The following WDR87 variants were observed in gnomAD, a reference collection of about 807,000 sequenced individuals.
The protein encoded by WDR87 is WD repeat-containing protein 87.
Under a neutral mutation model 83.3 loss-of-function variants are expected in WDR87, and 56 were observed. The observed-to-expected ratio is 0.67, with a 90% CI of 0.54 to 0.84. The LOEUF is 0.84. Among genes scored for constraint, WDR87 ranks in the 40% least tolerant of loss-of-function variants. WDR87 has a pLI of 0.00. For synonymous variants in WDR87, 1,173 were observed against 1,250.6 expected (o/e 0.94, Z 1.31); for missense variants, 2,939 against 3,431.9 (o/e 0.86, Z 3.59).
chr19:37,892,808 T>C lies in WDR87; in HGVS notation c.2895A>G (p.Leu965=). The change falls in exon 4 of 6, where the codon CTA becomes CTG. Residue 965 remains leucine, a synonymous_variant. Transcript: ENST00000447313. Reference sequence around the variant, plus strand: ...GGTTGGAATTGGTTGTATCATTCAGTAGCCGACGGGCTGTCTCAGAGCGTA... The same window carrying C: ...GGTTGGAATTGGTTGTATCATTCAGCAGCCGACGGGCTGTCTCAGAGCGTA... ...PALRSETARR[L]LNDTTNSNPL... is the part of the protein sequence containing the mutation. 6.4e-7 allele frequency: 1 copy of C among 1,551,788 alleles called. No individual in the cohort carries two copies. The highest frequency in any genetic ancestry group is 8.7e-7 in the Non-Finnish European group (1 of 1,147,016).
upstream of WDR87, chr19:37,906,623 G>A (rs551189252): frequency 6.6e-6 from 1 of 152,196 alleles, no homozygotes; most frequent in Admixed American, 6.5e-5. Flanking sequence ...CAGAACGGTT[G>A]GCCCCCAACC....
chr19:37,901,784 G>A (rs537636691), intron 1 of WDR87, among the ~76,000 whole-genome samples: 1 of 152,026 alleles, frequency 6.6e-6, no homozygotes, highest in Admixed American at 6.6e-5. Flanking sequence ...TAGAGTCACA[G>A]TTCACTGCAG....
chr19:37,903,290 G>T (rs1213487556), intron 1 of WDR87, among the ~76,000 whole-genome samples: 1 of 152,222 alleles, frequency 6.6e-6, no homozygotes, highest in Non-Finnish European at 1.5e-5. Flanking sequence ...AGGAGCCCAA[G>T]TTTGTCCCCA....
chr19:37,895,961 G>A (rs1166097092), intron 3 of WDR87, 177 bp downstream of exon 3: 2 of 852,392 alleles, frequency 2.3e-6, no homozygotes, highest in African/African-American at 1.7e-5. Context: ...TTACTTCGGG[G>A]GAACCATACA....
Position 37,886,952 on chromosome 19 carries a change from T to C in WDR87, c.6719A>G (p.Lys2240Arg). The C allele has an allele frequency of 1.3e-6, 2 of 1,552,008 alleles. No individual in the cohort carries two copies. Among genetic ancestry groups the C allele is most frequent in the Non-Finnish European group, 1.7e-6 (2 of 1,147,056 alleles). ...TGGTTTGTCACCTCTCTTGGCCTCT[T>C]TCCTCTTTCTCCACCTTCGTTTAAG... is the stretch of plus-strand genomic sequence containing the variant. ...PFLKRRWRKR[K>R]EAKRGDKPKE... Residue 2240 changes from lysine (K) to arginine (R), a missense_variant, in exon 6 of 6, where the codon AAA (lysine) becomes AGA (arginine). Coordinates refer to ENST00000447313, the MANE Select transcript of WDR87 (RefSeq NM_001291088.2).
In WDR87 at chr19:37,886,009, T is replaced by C; in HGVS notation, c.7662A>G (p.Glu2554=). ...CTGAGAGGCTTACGTCTGCATGTTGTTCCTTAGCTGGGATTTGGGAGAGAG... is the reference window on the plus strand; with the variant it reads ...CTGAGAGGCTTACGTCTGCATGTTGCTCCTTAGCTGGGATTTGGGAGAGAG... ...QLPLSQIPAK[E]QHADVSLSDV... The change falls in exon 6 of 6, where the codon GAA becomes GAG. Residue 2554 remains glutamate (E), a synonymous_variant. Coordinates refer to ENST00000447313, the MANE Select transcript of WDR87 (RefSeq NM_001291088.2). The C allele has an allele frequency of 6.4e-7, 1 of 1,551,916 alleles. No individual in the cohort carries two copies. The highest frequency in any genetic ancestry group is 1.2e-5 in the South Asian group (1 of 84,064).
chr19:37,905,247 AAAAG>A (rs2046317720), intron 1 of WDR87, among the ~76,000 whole-genome samples: 1 of 151,864 alleles, frequency 6.6e-6, no homozygotes, highest in Non-Finnish European at 1.5e-5. Context: ...AAAAAAAAAA[AAAAG>A]TAGAACTGAA....
Position 37,895,274 on chromosome 19 carries a change from C to G in WDR87, c.429G>C (p.Leu143=), listed in dbSNP as rs1158263531. Residue 143 remains leucine, a synonymous_variant, in exon 4 of 6, where the codon CTG becomes CTC. Transcript: ENST00000447313. ...TGTTGAAGCGGCAGGGCACTTTACC[C>G]AGGGGTTTGAATGCCCGAAAGTGGT... The part of the protein sequence containing the change: ...FGDHFRAFKP[L]GKVPCRFNIS... 6.4e-7 allele frequency: 1 copy of G among 1,551,706 alleles called. No homozygotes were observed.
chr19:37,885,778 C>G lies in WDR87; in HGVS notation c.7893G>C (p.Gln2631His). 1 of 1,551,786 alleles carries G rather than the reference C, an allele frequency of 6.4e-7. No individual in the cohort carries two copies. The highest frequency in any genetic ancestry group is 1.7e-4 in the Middle Eastern group (1 of 5,992). Residue 2631 changes from glutamine (Q) to histidine (H), a missense_variant, in exon 6 of 6, where the codon CAG becomes CAC. Physicochemically the swap from Gln to His is conservative, Grantham distance 24 (BLOSUM62 0). This residue lies in a region of WDR87 where 2,160 missense variants were observed against 2,533.1 expected (regional missense o/e 0.85). Transcript: ENST00000447313. ...ESQDTRISSRQSMSPKYLKVI... is the reference protein window; with the variant it reads ...ESQDTRISSRHSMSPKYLKVI... The stretch of plus-strand genomic sequence containing the variant: ...CTTTCAGGTATTTTGGACTCATGGA[C>G]TGTCTACTTGAGATCCTTGTGTCTT...
At chr19:37,899,031 A>G (rs1031737803) in intron 1 of WDR87, among the ~76,000 whole-genome samples, 20 of 152,148 alleles carry the variant, frequency 1.3e-4, no homozygotes, top group African/African-American at 4.3e-4. Context: ...CTGCCCATCA[A>G]TCTGAGATTA....
rs2046219324 is a variant in WDR87, at chr19:37,892,951, T to C, written c.2752A>G (p.Ile918Val). ...AGCATTGTCTCAATCATGCTATTAA[T>C]GGTTATTTCACTCATCTTTCTTCCC... ...WLGRKMSEIT[I>V]NSMIETMLNI... Residue 918 changes from isoleucine (I) to valine (V), a missense_variant, in exon 4 of 6, where the codon ATT becomes GTT. Ile to Val is a conservative substitution (Grantham distance 29). This residue lies in a region of WDR87 where 2,160 missense variants were observed against 2,533.1 expected (regional missense o/e 0.85). Transcript: ENST00000447313. 6.4e-7 allele frequency: 1 copy of C among 1,552,052 alleles called. No individual in the cohort carries two copies. Among genetic ancestry groups the C allele is most frequent in the East Asian group, 2.4e-5 (1 of 40,930 alleles).
In WDR87 at chr19:37,886,303, A is replaced by G; in HGVS notation, c.7368T>C (p.Asp2456=). Residue 2456 remains aspartate, a synonymous_variant, in exon 6 of 6, where the codon GAT becomes GAC. Coordinates refer to ENST00000447313, the MANE Select transcript of WDR87 (RefSeq NM_001291088.2). Reference sequence around the variant, plus strand: ...GTATTTCAACTACTGTGGCCTTTTTATCTTCCCAGGATATTTGTTTCTCCG... The same window carrying G: ...GTATTTCAACTACTGTGGCCTTTTTGTCTTCCCAGGATATTTGTTTCTCCG... The part of the protein sequence containing the change: ...PVPEKQISWE[D]KKATVVEIPR... 1 of 1,551,480 alleles carries G rather than the reference A, an allele frequency of 6.4e-7. No homozygotes were observed. The highest frequency in any genetic ancestry group is 1.7e-4 in the Middle Eastern group (1 of 5,992).
intron 2 of WDR87, 104 bp downstream of exon 2, chr19:37,898,061 G>T: frequency 7.3e-7 from 1 of 1,363,410 alleles, no homozygotes; most frequent in South Asian, 1.4e-5. Flanking sequence ...TACCCTGTTT[G>T]CTTCCTGTTC....
Position 37,894,216 on chromosome 19 carries a change from C to G in WDR87, c.1487G>C (p.Arg496Pro). 6.4e-7 allele frequency: 1 copy of G among 1,552,066 alleles called. No individual in the cohort carries two copies. Among genetic ancestry groups the G allele is most frequent in the Non-Finnish European group, 8.7e-7 (1 of 1,147,084 alleles). Reference sequence around the variant, plus strand: ...GCCAAAGTGCATGAATTTTTCTAATCGAGCACAGCTGTGCTGGGAGAGCAC... The same window carrying G: ...GCCAAAGTGCATGAATTTTTCTAATGGAGCACAGCTGTGCTGGGAGAGCAC... ...IRVLSQHSCA[R>P]LEKFMHFGAV... Residue 496 changes from arginine to proline, a missense_variant, in exon 4 of 6, where the codon CGA becomes CCA. This residue lies in a region of WDR87 where 553 missense variants were observed against 577.9 expected (regional missense o/e 0.96). Transcript: ENST00000447313.
At position 37,891,798 on chromosome 19, in the gene WDR87, G is replaced by C. The variant is rs1208924540; in HGVS notation, c.3148C>G (p.Pro1050Ala). 4 of 1,552,138 alleles carry C rather than the reference G, an allele frequency of 2.6e-6. No homozygotes were observed. The highest frequency in any genetic ancestry group is 2.6e-6 in the Non-Finnish European group (3 of 1,147,088). Residue 1050 changes from proline (P) to alanine (A), a missense_variant, in exon 5 of 6, where the codon CCC becomes GCC. Pro to Ala is a conservative substitution (Grantham distance 27). Coordinates refer to ENST00000447313, the MANE Select transcript of WDR87 (RefSeq NM_001291088.2). ...EMQQQMIGEE[P>A]LDHLLGMRAT... ...CGCATCCCCAGTAGATGGTCCAGGGGTTCCTCCCCGATCATCTGCTGCCTA... is the reference window on the plus strand; with the variant it reads ...CGCATCCCCAGTAGATGGTCCAGGGCTTCCTCCCCGATCATCTGCTGCCTA...
At chr19:37,891,465 CCA>C in intron 5 of WDR87, 85 bp downstream of exon 5, 1 of 1,471,420 alleles carries the variant, frequency 6.8e-7, no homozygotes, top group East Asian at 2.5e-5. Context: ...TCCCGCCAGC[CCA>C]CCTAGTATCT....
Position 37,885,067 on chromosome 19 carries a change from C to T in WDR87, c.8604G>A (p.Trp2868Ter), listed in dbSNP as rs946989994. Residue 2868 changes from tryptophan to a stop codon, truncating the protein, a stop_gained, in exon 6 of 6, where the codon TGG becomes TGA. Transcript: ENST00000447313. LOFTEE classifies it low-confidence loss of function (END_TRUNC). Reference protein sequence around the residue: ...QEFQGAVPLPWQNCVRTILPV... With the variant: ...QEFQGAVPLP The stretch of plus-strand genomic sequence containing the variant: ...GAAGGATGGTGCGCACACAGTTCTG[C>T]CATGGGAGGGGTACCGCACCCTGGA... 1.4e-6 allele frequency: 2 copies of T among 1,471,160 alleles called. No individual in the cohort carries two copies. The highest frequency in any genetic ancestry group is 2.8e-5 in the African/African-American group (2 of 70,256). The allele number at this position is 1,471,160 out of a possible 1,614,324, so 91.1% of individuals were successfully genotyped here.
intron 1 of WDR87, among the ~76,000 whole-genome samples, chr19:37,905,732 T>C (rs1292937049): frequency 6.6e-6 from 1 of 152,008 alleles, no homozygotes; most frequent in Non-Finnish European, 1.5e-5. Context: ...GTTTTTTAGT[T>C]TTAGTAGAGA....
Position 37,894,681 on chromosome 19 carries a change from T to G in WDR87, c.1022A>C (p.Gln341Pro). ...QFIDSITFFC[Q>P]TAHSFSLHRL... The stretch of plus-strand genomic sequence containing the variant: ...GTGCAAGGAAAAACTATGGGCAGTT[T>G]GGCAGAAGAAAGTAATGCTGTCAAT... Residue 341 changes from glutamine (Q) to proline (P), a missense_variant, in exon 4 of 6, where the codon CAA becomes CCA. Coordinates refer to ENST00000447313, the MANE Select transcript of WDR87 (RefSeq NM_001291088.2). 1.9e-6 allele frequency: 3 copies of G among 1,551,740 alleles called. No homozygotes were observed. Among genetic ancestry groups the G allele is most frequent in the Non-Finnish European group, 2.6e-6 (3 of 1,147,002 alleles).
Sources: gnomAD v4.1 joint callset for allele counts (sites outside exome capture counted in the v4.1 genomes callset) on GRCh38, gnomAD v4.1.1 for gene constraint, gnomAD v4.1.1 regional missense constraint, MANE v1.5 for transcripts, NCBI Gene and HGNC (gene_info 2026-07-23, HGNC 2026-07-21) for gene names.